CA5A: variants seen among roughly 807,000 people sequenced by gnomAD.
CA5A encodes the protein carbonic anhydrase 5A, mitochondrial.
CA5A carries 28 observed loss-of-function variants against 37.1 expected under a neutral mutation model. The observed-to-expected ratio is 0.75, with a 90% confidence interval of 0.56 to 1.03. The LOEUF is 1.03. Ranked by LOEUF, CA5A falls within the 50% of genes least tolerant of loss-of-function variation. The probability of loss-of-function intolerance (pLI) is 0.00; values close to 1 mark genes in which losing one functional copy is unlikely to be tolerated. For synonymous variants in CA5A, 171 were observed against 158.4 expected (o/e 1.08, Z -0.60); for missense variants, 444 against 399.9 (o/e 1.11, Z -0.94).
intron 5 of CA5A, among the ~76,000 whole-genome samples, chr16:87,897,897 G>T (rs56115428): frequency 6.6e-6 from 1 of 152,088 alleles, no homozygotes; most frequent in African/African-American, 2.4e-5. Context: ...AACCCCTTCC[G>T]CCGAGGTGTA....
chr16:87,893,126 C>CTT, intron 5 of CA5A: 1 of 467,386 alleles, frequency 2.1e-6, no homozygotes, highest in Non-Finnish European at 3.7e-6. Flanking sequence ...TTCTTTCTTC[C>CTT]TTTCTTTCTT....
chr16:87,922,743 C>T (rs546109336), intron 2 of CA5A, among the ~76,000 whole-genome samples: 1 of 152,260 alleles, frequency 6.6e-6, no homozygotes, highest in Non-Finnish European at 1.5e-5. Flanking sequence ...GGTGCTGGTG[C>T]TTCCTTCTCT....
chr16:87,884,347 C>T (rs2055631775), downstream of CA5A: 1 of 147,098 alleles, frequency 6.8e-6, no homozygotes, highest in Non-Finnish European at 1.5e-5. Flanking sequence ...GCGGGCAGAT[C>T]ACCTGAGGTT....
downstream of CA5A, chr16:87,885,205 C>G (rs117252918): frequency 1.2e-5 from 2 of 168,796 alleles, no homozygotes; most frequent in African/African-American, 2.4e-5. Flanking sequence ...ACAACAACAA[C>G]AAAAAAAAGA....
chr16:87,905,129 T>C (rs1327598339), intron 2 of CA5A, among the ~76,000 whole-genome samples: 2 of 151,944 alleles, frequency 1.3e-5, no homozygotes, highest in Non-Finnish European at 2.9e-5. Context: ...TCACAGTAAA[T>C]GTGGAATGAA....
At chr16:87,886,873 A>T (rs2055652670), downstream of CA5A, 1 of 152,136 alleles carries the variant, frequency 6.6e-6, no homozygotes, top group Admixed American at 6.5e-5. Flanking sequence ...CAGGTACCAC[A>T]TTATCTTAAT....
intron 6 of CA5A, among the ~76,000 whole-genome samples, chr16:87,891,261 A>C (rs536216728): frequency 1.3e-5 from 2 of 151,892 alleles, no homozygotes; most frequent in East Asian, 3.9e-4. Flanking sequence ...TGAGGTCAAG[A>C]GTTCAAGACC....
chr16:87,894,292 G>A (rs953277944), intron 5 of CA5A, among the ~76,000 whole-genome samples: 4 of 152,040 alleles, frequency 2.6e-5, no homozygotes, highest in African/African-American at 7.2e-5. Context: ...CCAGCACTGT[G>A]GGACAAGAGT....
chr16:87,892,000 T>A lies in CA5A; in HGVS notation c.619-46A>T, dbSNP rs1394399605. 2.7e-6 allele frequency: 4 copies of A among 1,469,722 alleles called. No homozygotes were observed. In the African/African-American group the frequency reaches 4.4e-5, roughly 16 times the overall value. 91.0% of individuals were successfully genotyped at this position (1,469,722 alleles called of 1,614,324 possible). On this transcript the variant is annotated intron_variant, in intron 5 of 6. Transcript: ENST00000649794. ...GGACGTGTCAGTCCTCAGGGGAGACTAGGAGCTTCCATCTTGTCTCAGCAC... is the reference window on the plus strand; with the variant it reads ...GGACGTGTCAGTCCTCAGGGGAGACAAGGAGCTTCCATCTTGTCTCAGCAC...
chr16:87,922,864 A>G (rs955194057), intron 2 of CA5A, among the ~76,000 whole-genome samples: 7 of 152,246 alleles, frequency 4.6e-5, no homozygotes, highest in Non-Finnish European at 8.8e-5. Flanking sequence ...CAGAGCACGG[A>G]GTCCCATTGG....
intron 1 of CA5A, among the ~76,000 whole-genome samples, chr16:87,932,838 C>G (rs1444809655): frequency 1.3e-5 from 2 of 152,210 alleles, no homozygotes; most frequent in Non-Finnish European, 2.9e-5. Flanking sequence ...CCCCCTTGAC[C>G]TCCATGGGAG....
rs538227834 is a variant in CA5A, at chr16:87,917,624, AAC to A, written c.340+9122_340+9123del. Reference sequence around the variant, plus strand: ...CACACACCACACATGTGCACACACAAACACACATGTGCGCACACACATGAACA... The same window carrying A: ...CACACACCACACATGTGCACACACAAACACATGTGCGCACACACATGAACA... On this transcript the variant is annotated intron_variant, in intron 2 of 6. Transcript: ENST00000649794. Among the ~76,000 whole-genome samples the A allele has an allele frequency of 2.1e-3, 313 of 151,448 alleles. 1 individual carries two copies. Among genetic ancestry groups the A allele is most frequent in the Admixed American group, 4.3e-3 (66 of 15,226 alleles).
At chr16:87,926,536 A>G (rs2056313644) in intron 2 of CA5A, among the ~76,000 whole-genome samples, 1 of 152,118 alleles carries the variant, frequency 6.6e-6, no homozygotes, top group Non-Finnish European at 1.5e-5. Flanking sequence ...CGGTATTCTC[A>G]TCTGTAAAGT....
intron 3 of CA5A, among the ~76,000 whole-genome samples, chr16:87,903,387 T>C (rs6540100): frequency 0.14 from 20,608 of 152,084 alleles, 2,030 homozygotes; most frequent in African/African-American, 0.28. Flanking sequence ...GCCAAGATCG[T>C]GAGATAGCGC....
chr16:87,889,734 G>T (rs865816476), intron 6 of CA5A, among the ~76,000 whole-genome samples: 35 of 151,944 alleles, frequency 2.3e-4, no homozygotes, highest in African/African-American at 8.5e-4. Flanking sequence ...TCACGCCATT[G>T]CACTCCAGCC....
rs866168593 is a variant in CA5A at position 87,890,428 on chromosome 16, C to A, written c.774+1371G>T. Reference sequence around the variant, plus strand: ...GGGAGACTGAAAGACCCTCTAAGAGCTCACCTGGAGCCCTCGGAAAGAGAT... The same window carrying A: ...GGGAGACTGAAAGACCCTCTAAGAGATCACCTGGAGCCCTCGGAAAGAGAT... On this transcript the variant is annotated intron_variant, in intron 6 of 6. Coordinates refer to ENST00000649794, the MANE Select transcript of CA5A (RefSeq NM_001739.2). Among the ~76,000 whole-genome samples the A allele has an allele frequency of 5.9e-5, 9 of 152,140 alleles. No homozygotes were observed. In the South Asian group the frequency reaches 1.9e-3, roughly 32 times the overall value.
In CA5A at chr16:87,899,020, C is replaced by A. The variant is rs1211963890; in HGVS notation, c.618+2892G>T. Among the ~76,000 whole-genome samples the A allele has an allele frequency of 2.6e-5, 4 of 152,096 alleles. No homozygotes were observed. In the East Asian group the frequency reaches 7.7e-4, roughly 29 times the overall value. On this transcript the variant is annotated intron_variant, in intron 5 of 6. Transcript: ENST00000649794. ...TAAGTGCTGGGGTTACATGTGTGAG[C>A]CACCATACCTGGGCTACTGTGGATG...
chr16:87,933,237 T>C (rs2056431519), intron 1 of CA5A, among the ~76,000 whole-genome samples: 1 of 152,248 alleles, frequency 6.6e-6, no homozygotes, highest in African/African-American at 2.4e-5. Context: ...ATTTCTAGGG[T>C]TTGCCAATGA....
chr16:87,931,674 C>T (rs1159053308), intron 1 of CA5A, among the ~76,000 whole-genome samples: 2 of 152,292 alleles, frequency 1.3e-5, no homozygotes, highest in Non-Finnish European at 2.9e-5. Context: ...GGATGCATTT[C>T]CCTGCCCCTG....
Sources: gnomAD v4.1 joint callset for allele counts (sites outside exome capture counted in the v4.1 genomes callset) on GRCh38, gnomAD v4.1.1 for gene constraint, MANE v1.5 for transcripts, NCBI Gene and HGNC (gene_info 2026-07-23, HGNC 2026-07-21) for gene names.